PPM1L: variants seen among roughly 807,000 people sequenced by gnomAD.
PPM1L encodes the protein protein phosphatase 1L.
Under a neutral mutation model 31.4 loss-of-function variants are expected in PPM1L, and 13 were observed. The ratio of observed to expected loss-of-function variants is 0.41; its 90% CI spans 0.27 to 0.66. The LOEUF (loss-of-function observed/expected upper bound fraction) is 0.66. Among genes scored for constraint, PPM1L ranks in the 30% least tolerant of loss-of-function variants. PPM1L has a pLI of 0.29. For synonymous variants in PPM1L, 184 were observed against 175.4 expected (o/e 1.05, Z -0.39); for missense variants, 326 against 453.7 (o/e 0.72, Z 2.56).
chr3:160,897,961 G>A (rs1247869812), intron 1 of PPM1L, among the ~76,000 whole-genome samples: 1 of 152,094 alleles, frequency 6.6e-6, no homozygotes, highest in Non-Finnish European at 1.5e-5. Context: ...ACAAAATGGA[G>A]TAACAGTGAT....
intron 1 of PPM1L, among the ~76,000 whole-genome samples, chr3:160,809,092 C>T (rs1051978998): frequency 6.6e-6 from 1 of 152,226 alleles, no homozygotes; most frequent in Non-Finnish European, 1.5e-5. Context: ...CCAGAATCTG[C>T]TCCCGAGGTC....
At chr3:160,804,730 TTA>T (rs1712546994) in intron 1 of PPM1L, among the ~76,000 whole-genome samples, 1 of 152,244 alleles carries the variant, frequency 6.6e-6, no homozygotes, top group African/African-American at 2.4e-5. Context: ...TTTGCCAAAT[TTA>T]CACAAATAAA....
chr3:160,938,391 T>C (rs1290092778), intron 1 of PPM1L, among the ~76,000 whole-genome samples: 1 of 152,208 alleles, frequency 6.6e-6, no homozygotes, highest in African/African-American at 2.4e-5. Context: ...TTCTATCCTT[T>C]AGGTTTATGG....
At chr3:161,027,691 A>G (rs551991787) in intron 2 of PPM1L, among the ~76,000 whole-genome samples, 1 of 152,302 alleles carries the variant, frequency 6.6e-6, no homozygotes, top group South Asian at 2.1e-4. Context: ...CAGCCAAACC[A>G]TATCACCTAG....
chr3:161,017,130 G>T (rs1046941579), intron 2 of PPM1L, among the ~76,000 whole-genome samples: 1 of 152,088 alleles, frequency 6.6e-6, no homozygotes, highest in Middle Eastern at 3.2e-3. Flanking sequence ...ATGATTCATA[G>T]TCTTCTTTTT....
chr3:160,788,811 T>C (rs1484861360), intron 1 of PPM1L, among the ~76,000 whole-genome samples: 2 of 152,086 alleles, frequency 1.3e-5, no homozygotes, highest in Non-Finnish European at 2.9e-5. Context: ...TTTTTTGAAA[T>C]GCAGTTTTAT....
Position 160,972,601 on chromosome 3 carries a change from A to G in PPM1L, c.574+10691A>G, listed in dbSNP as rs532677536. ...CATTTTCTTAATCCAGTCTATCATC[A>G]TTGGACATTTGGGTTGGTTCAAAGT... On this transcript the variant is annotated intron_variant, in intron 2 of 3. Transcript: ENST00000498165. Among the ~76,000 whole-genome samples the G allele has an allele frequency of 1.9e-3, 287 of 152,124 alleles. 1 individual carries two copies. The highest frequency in any genetic ancestry group is 6.5e-3 in the African/African-American group (271 of 41,480).
rs1323432783 is a variant in PPM1L, at chr3:161,013,323, G to T, written c.574+51413G>T. Among the ~76,000 whole-genome samples the T allele has an allele frequency of 2.6e-5, 4 of 152,310 alleles. No individual in the cohort carries two copies. The East Asian group carries it at 7.7e-4, about 29-fold the overall frequency. On this transcript the variant is annotated intron_variant, in intron 2 of 3. Coordinates refer to ENST00000498165, the MANE Select transcript of PPM1L (RefSeq NM_139245.4). ...GAGCAGGTTGTTCAGTTCCCATGTAGTTGAATGGTTTTGAGTGAGTTTCTT... is the reference window on the plus strand; with the variant it reads ...GAGCAGGTTGTTCAGTTCCCATGTATTTGAATGGTTTTGAGTGAGTTTCTT...
At chr3:160,930,851 T>C (rs1175957044) in intron 1 of PPM1L, among the ~76,000 whole-genome samples, 1 of 151,994 alleles carries the variant, frequency 6.6e-6, no homozygotes, top group Non-Finnish European at 1.5e-5. Flanking sequence ...TACCTCTAAC[T>C]GGGGGAGAAT....
chr3:160,975,463 C>A (rs1409108093), intron 2 of PPM1L, among the ~76,000 whole-genome samples: 15 of 152,132 alleles, frequency 9.9e-5, no homozygotes, highest in African/African-American at 3.1e-4. Flanking sequence ...TTGCCTTGGG[C>A]AGTATGGCCA....
At chr3:160,770,559 A>G (rs16831442) in intron 1 of PPM1L, among the ~76,000 whole-genome samples, 16,259 of 152,268 alleles carry the variant, frequency 0.11, 1,435 homozygotes, top group African/African-American at 0.24. Context: ...CATCGATTAC[A>G]TAACAGGAAG....
rs147384969 is a variant in PPM1L at position 160,786,127 on chromosome 3, TTCTCTCTCTC to T, written c.399+29442_399+29451del. ...GTTGGATAAAGATGGAATCTCATTT[TTCTCTCTCTC>T]TCTCTCTCTCTCTCTCTCTCTGTGT... On this transcript the variant is annotated intron_variant, in intron 1 of 3. Coordinates refer to ENST00000498165, the MANE Select transcript of PPM1L (RefSeq NM_139245.4). Among the ~76,000 whole-genome samples the T allele has an allele frequency of 1.5e-3, 161 of 103,900 alleles. 2 individuals are homozygous for T. The highest frequency in any genetic ancestry group is 9.4e-3 in the South Asian group (30 of 3,198). The allele number at this position is 103,900 out of a possible 152,430, so 68.2% of individuals were successfully genotyped here. A position where few individuals can be genotyped will look rare whatever the true frequency, so the allele number is the denominator to read the frequency against.
At chr3:160,992,833 G>C (rs1177831933) in intron 2 of PPM1L, among the ~76,000 whole-genome samples, 1 of 152,172 alleles carries the variant, frequency 6.6e-6, no homozygotes, top group Non-Finnish European at 1.5e-5. Context: ...GCTAGCCTGA[G>C]CTATGTGCTC....
rs1358524949 is a variant in PPM1L, at chr3:160,944,802, C to CATATATATGTT, written c.400-16927_400-16926insTGTTATATATA. Among the ~76,000 whole-genome samples the CATATATATGTT allele has an allele frequency of 2.5e-3, 35 of 14,264 alleles. 1 individual carries two copies. Among genetic ancestry groups the CATATATATGTT allele is most frequent in the African/African-American group, 5.2e-3 (34 of 6,580 alleles). The allele number at this position is 14,264 out of a possible 152,430, so 9.4% of individuals were successfully genotyped here. On this transcript the variant is annotated intron_variant, in intron 1 of 3. Transcript: ENST00000498165. ...ATTATATTATATATGTTATATATAA[C>CATATATATGTT]ATATATAACATATATATGTTATATA...
intron 1 of PPM1L, among the ~76,000 whole-genome samples, chr3:160,903,993 AT>A (rs1172064897): frequency 2.6e-5 from 4 of 151,930 alleles, no homozygotes; most frequent in African/African-American, 9.7e-5. Context: ...CCTTGTTTCC[AT>A]TTTTGCCTTG....
chr3:160,799,841 C>T (rs1712373086), intron 1 of PPM1L, among the ~76,000 whole-genome samples: 1 of 152,138 alleles, frequency 6.6e-6, no homozygotes, highest in South Asian at 2.1e-4. Flanking sequence ...TTCCCAACAC[C>T]TTACTGTGCT....
intron 1 of PPM1L, among the ~76,000 whole-genome samples, chr3:160,890,050 G>A (rs1013195820): frequency 2.0e-5 from 3 of 152,138 alleles, no homozygotes; most frequent in Non-Finnish European, 4.4e-5. Flanking sequence ...TATTTAATGG[G>A]CAAAAGTTGG....
intron 2 of PPM1L, among the ~76,000 whole-genome samples, chr3:161,047,509 G>C (rs1719123577): frequency 1.3e-5 from 2 of 152,176 alleles, no homozygotes; most frequent in African/African-American, 4.8e-5. Flanking sequence ...TTGCCATACT[G>C]CCCAAGGTAA....
chr3:160,886,082 G>A (rs1055455351), intron 1 of PPM1L, among the ~76,000 whole-genome samples: 1 of 152,238 alleles, frequency 6.6e-6, no homozygotes, highest in Non-Finnish European at 1.5e-5. Flanking sequence ...CACACCAGCT[G>A]TGGCGGACTG....
Sources: gnomAD v4.1 joint callset for allele counts (sites outside exome capture counted in the v4.1 genomes callset) on GRCh38, gnomAD v4.1.1 for gene constraint, MANE v1.5 for transcripts, NCBI Gene and HGNC (gene_info 2026-07-23, HGNC 2026-07-21) for gene names.